The following PCED1B variants were observed in gnomAD, a reference collection of about 807,000 sequenced individuals.
The protein encoded by PCED1B is PC-esterase domain containing 1B.
For missense variants in PCED1B, 573 were observed against 573.9 expected (o/e 1.00, Z 0.02); for synonymous variants, 251 against 246.1 (o/e 1.02, Z -0.19).
chr12:47,218,589 T>G (rs543087993), intron 3 of PCED1B, among the ~76,000 whole-genome samples: 2 of 152,098 alleles, frequency 1.3e-5, no homozygotes, highest in East Asian at 3.9e-4. Context: ...GTGCAAGGTA[T>G]CCTTCCACCT....
intron 2 of PCED1B, among the ~76,000 whole-genome samples, chr12:47,166,791 AT>A (rs1404264859): frequency 2.0e-5 from 3 of 152,030 alleles, no homozygotes; most frequent in Admixed American, 6.6e-5. Flanking sequence ...AGAAAAAAAT[AT>A]TTTTTTTATT....
chr12:47,201,177 A>G (rs1301364730), intron 2 of PCED1B, among the ~76,000 whole-genome samples: 1 of 152,194 alleles, frequency 6.6e-6, no homozygotes, highest in Non-Finnish European at 1.5e-5. Context: ...ATTTTACAGA[A>G]ATAAAGTAGG....
intron 1 of PCED1B, among the ~76,000 whole-genome samples, chr12:47,098,090 C>T (rs1300725249): frequency 2.0e-5 from 3 of 152,186 alleles, no homozygotes; most frequent in African/African-American, 7.2e-5. Context: ...TGCTGCCTCC[C>T]CAGCTCCCAT....
chr12:47,096,668 G>A (rs1399892449), intron 1 of PCED1B, among the ~76,000 whole-genome samples: 1 of 152,094 alleles, frequency 6.6e-6, no homozygotes, highest in African/African-American at 2.4e-5. Context: ...ATTGCTTTAA[G>A]AGAAACCAAT....
At chr12:47,207,845 G>A (rs548037957) in intron 2 of PCED1B, among the ~76,000 whole-genome samples, 1 of 152,158 alleles carries the variant, frequency 6.6e-6, no homozygotes, top group South Asian at 2.1e-4. Context: ...TCTATTTAAA[G>A]AATAACAAGC....
intron 2 of PCED1B, among the ~76,000 whole-genome samples, chr12:47,136,104 C>A (rs1264707249): frequency 1.8e-5 from 1 of 56,604 alleles, no homozygotes; most frequent in African/African-American, 8.0e-5. Context: ...TTTTTTTGGC[C>A]AATTTGATAG....
intron 2 of PCED1B, among the ~76,000 whole-genome samples, chr12:47,194,029 G>A (rs1287297771): frequency 6.6e-6 from 1 of 152,178 alleles, no homozygotes; most frequent in African/African-American, 2.4e-5. Context: ...GCTGTGCTCT[G>A]CCACCTGCAG....
intron 1 of PCED1B, among the ~76,000 whole-genome samples, chr12:47,089,470 A>G (rs1362874576): frequency 1.0e-5 from 1 of 99,102 alleles, no homozygotes; most frequent in Non-Finnish European, 1.9e-5. Flanking sequence ...ACATATATAT[A>G]TATATATATA....
At chr12:47,154,135 C>T (rs1941106558) in intron 2 of PCED1B, among the ~76,000 whole-genome samples, 2 of 152,152 alleles carry the variant, frequency 1.3e-5, no homozygotes, top group African/African-American at 2.4e-5. Context: ...CCAGGAAACG[C>T]GTATCTTCTA....
At chr12:47,215,574 C>T (rs1203439015) in intron 2 of PCED1B, among the ~76,000 whole-genome samples, 2 of 152,036 alleles carry the variant, frequency 1.3e-5, no homozygotes, top group African/African-American at 4.8e-5. Flanking sequence ...CTTTTAAGCA[C>T]GCTGTCCCCT....
rs63691461 is a variant in PCED1B at position 47,222,116 on chromosome 12, TAAAAA to T, written c.-58+5443_-58+5447del. Among the ~76,000 whole-genome samples, 39 of 119,028 alleles carry T rather than the reference TAAAAA, an allele frequency of 3.3e-4. 1 individual carries two copies. The highest frequency in any genetic ancestry group is 3.6e-4 in the Non-Finnish European group (21 of 58,594). 78.1% of individuals were successfully genotyped at this position (119,028 alleles called of 152,430 possible). A position where few individuals can be genotyped will look rare whatever the true frequency, so the allele number is the denominator to read the frequency against. ...AGACTCTATCTCTTAAAAAAAAAAT[TAAAAA>T]AAAAAAAAAAAAAAACGCCCGGGCG... On this transcript the variant is annotated intron_variant, in intron 3 of 3. Transcript: ENST00000546455.
At position 47,227,857 on chromosome 12, in the gene PCED1B, A is replaced by G. The variant is rs113093073; in HGVS notation, c.-57-7150A>G. Among the ~76,000 whole-genome samples, 551 of 152,190 alleles carry G rather than the reference A, an allele frequency of 3.6e-3. 4 individuals are homozygous for G. Among genetic ancestry groups the G allele is most frequent in the African/African-American group, 0.013 (522 of 41,548 alleles). On this transcript the variant is annotated intron_variant, in intron 3 of 3. Coordinates refer to ENST00000546455, the MANE Select transcript of PCED1B (RefSeq NM_138371.3). ...GACAGAGCAAGACTCTGACTCAAAA[A>G]AAAAAGAAGACATTCTTAGGTAAAC...
intron 2 of PCED1B, among the ~76,000 whole-genome samples, chr12:47,211,266 A>C (rs1943068975): frequency 6.6e-6 from 1 of 152,218 alleles, no homozygotes; most frequent in Non-Finnish European, 1.5e-5. Flanking sequence ...TGCCTGACCG[A>C]AGGAGCACTC....
chr12:47,202,625 A>G (rs1158396094), intron 2 of PCED1B, among the ~76,000 whole-genome samples: 1 of 151,314 alleles, frequency 6.6e-6, no homozygotes, highest in East Asian at 1.9e-4. Flanking sequence ...AAAAAGAAAA[A>G]AGAAAAAAAA....
chr12:47,130,321 T>C (rs1940073656), intron 2 of PCED1B, among the ~76,000 whole-genome samples: 1 of 152,216 alleles, frequency 6.6e-6, no homozygotes, highest in South Asian at 2.1e-4. Context: ...ATTATATTCT[T>C]AATCACAATT....
intron 3 of PCED1B, among the ~76,000 whole-genome samples, chr12:47,230,204 C>T (rs1370325906): frequency 6.7e-6 from 1 of 150,218 alleles, no homozygotes. Context: ...CCTGCCTCAG[C>T]CTCCCGAGTA....
At chr12:47,184,990 A>C (rs1377993852) in intron 2 of PCED1B, among the ~76,000 whole-genome samples, 1 of 152,158 alleles carries the variant, frequency 6.6e-6, no homozygotes, top group Non-Finnish European at 1.5e-5. Flanking sequence ...CTGTGTAGTA[A>C]TGCTGTCAGA....
intron 2 of PCED1B, chr12:47,135,608 T>C: frequency 2.0e-6 from 1 of 501,980 alleles, no homozygotes. Context: ...TGGGCCCCAG[T>C]CAGGTCACCA....
intron 2 of PCED1B, among the ~76,000 whole-genome samples, chr12:47,164,811 G>T (rs1941492515): frequency 6.6e-6 from 1 of 152,234 alleles, no homozygotes; most frequent in Non-Finnish European, 1.5e-5. Flanking sequence ...CCTCGATGCT[G>T]CCAAGGCTTA....
Sources: allele counts gnomAD v4.1 joint callset (sites outside exome capture counted in the v4.1 genomes callset), GRCh38; gene constraint gnomAD v4.1.1; transcripts MANE v1.5; gene names NCBI Gene and HGNC (gene_info 2026-07-23, HGNC 2026-07-21).